Variants in SPRY3 observed in about 807,000 individuals in gnomAD.
The protein encoded by SPRY3 is protein sprouty homolog 3.
Under a neutral mutation model 20.2 loss-of-function variants are expected in SPRY3, and 15 were observed. The ratio of observed to expected loss-of-function variants is 0.74; its 90% CI spans 0.50 to 1.14. The LOEUF (loss-of-function observed/expected upper bound fraction) is 1.14, where lower values mean the gene tolerates loss of function less well. SPRY3 is among the 50% of genes most tolerant of loss of function. SPRY3 has a pLI of 0.00. For synonymous variants in SPRY3, 143 were observed against 136.5 expected, an observed-to-expected ratio of 1.05 and a Z score of -0.33; for missense variants, 364 against 363.9, an observed-to-expected ratio of 1.00 and a Z score of 0.00.
chrX:155,628,048 G>A (rs1042217999), intron 1 of SPRY3, among the ~76,000 whole-genome samples: 3 of 111,220 alleles, frequency 2.7e-5, no homozygotes, highest in Non-Finnish European at 3.8e-5. Context: ...TTCTTTATAC[G>A]GTCTATCATT....
chrX:155,631,077 T>G (rs1327655385), intron 1 of SPRY3, among the ~76,000 whole-genome samples: 1 of 110,839 alleles, frequency 9.0e-6, no homozygotes, highest in Admixed American at 9.7e-5. Context: ...GTACGTACCT[T>G]TTCAACCCTC....
At chrX:155,715,150 T>C (rs1243593936) in intron 2 of SPRY3, among the ~76,000 whole-genome samples, 3 of 151,258 alleles carry the variant, frequency 2.0e-5, no homozygotes, top group South Asian at 2.1e-4. Context: ...ACAGAAGGAG[T>C]CTTTCACTAT....
At chrX:155,714,457 G>A (rs2091007571) in intron 2 of SPRY3, among the ~76,000 whole-genome samples, 1 of 152,190 alleles carries the variant, frequency 6.6e-6, no homozygotes, top group African/African-American at 2.4e-5. Flanking sequence ...AGATCTGGAA[G>A]AATTATCTGT....
At chrX:155,736,512 A>G (rs1433898358) in intron 2 of SPRY3, among the ~76,000 whole-genome samples, 1 of 151,802 alleles carries the variant, frequency 6.6e-6, no homozygotes, top group African/African-American at 2.4e-5. Context: ...ACTTCGTTCC[A>G]CTTTCTTCTT....
chrX:155,685,812 G>T, intron 2 of SPRY3, among the ~76,000 whole-genome samples: 1 of 110,844 alleles, frequency 9.0e-6, no homozygotes, highest in Non-Finnish European at 1.9e-5. Context: ...TCCGTCGCCA[G>T]GATGGAGTGC....
chrX:155,768,008 AAGG>A (rs1478195830), exon 3 of SPRY3: 2 of 152,094 alleles, frequency 1.3e-5, no homozygotes, highest in Non-Finnish European at 1.5e-5. Context: ...CCTGCCAGTG[AAGG>A]AGTTTTCATT....
intron 2 of SPRY3, among the ~76,000 whole-genome samples, chrX:155,677,169 C>T (rs2068060950): frequency 8.9e-6 from 1 of 111,808 alleles, no homozygotes; most frequent in Non-Finnish European, 1.9e-5. Flanking sequence ...TTATCAGTAA[C>T]ATCAATTTAA....
chrX:155,707,070 A>C (rs2090956788), intron 2 of SPRY3, among the ~76,000 whole-genome samples: 1 of 150,020 alleles, frequency 6.7e-6, no homozygotes, highest in Non-Finnish European at 1.5e-5. Flanking sequence ...CTAGTTTCTG[A>C]AGGTGGAAGT....
At chrX:155,644,052 G>A (rs953945964) in intron 1 of SPRY3, among the ~76,000 whole-genome samples, 2 of 110,876 alleles carry the variant, frequency 1.8e-5, no homozygotes, top group South Asian at 3.8e-4. Flanking sequence ...ATTTCTTGTC[G>A]GGCAAGTCTG....
intron 1 of SPRY3, among the ~76,000 whole-genome samples, chrX:155,644,831 G>A (rs181782571): frequency 3.3e-4 from 37 of 111,143 alleles, no homozygotes; most frequent in African/African-American, 1.1e-3. Flanking sequence ...GTGCTGTATC[G>A]TTCTGTGGCT....
chrX:155,739,951 A>G (rs1256577595), intron 2 of SPRY3, among the ~76,000 whole-genome samples: 1 of 152,108 alleles, frequency 6.6e-6, no homozygotes, highest in Non-Finnish European at 1.5e-5. Context: ...AGGGCACAGA[A>G]CTGGGCTGAG....
intron 2 of SPRY3, among the ~76,000 whole-genome samples, chrX:155,734,120 G>T (rs1488162755): frequency 1.3e-5 from 2 of 152,016 alleles, no homozygotes; most frequent in Non-Finnish European, 2.9e-5. Context: ...TCACAACTTG[G>T]CCGGTTGGCA....
intron 2 of SPRY3, among the ~76,000 whole-genome samples, chrX:155,751,340 G>A (rs1300655938): frequency 6.6e-6 from 1 of 151,848 alleles, no homozygotes; most frequent in African/African-American, 2.4e-5. Context: ...TGGCTTTACT[G>A]CAGCAGCTAC....
At chrX:155,770,042 G>C (rs770040325) in intron 3 of SPRY3, among the ~76,000 whole-genome samples, 1 of 152,268 alleles carries the variant, frequency 6.6e-6, no homozygotes, top group South Asian at 2.1e-4. Context: ...GTTATTCTGA[G>C]TAGGAGTGTA....
intron 1 of SPRY3, among the ~76,000 whole-genome samples, chrX:155,631,636 C>T (rs1402016225): frequency 8.9e-6 from 1 of 112,410 alleles, no homozygotes. Flanking sequence ...TAATAATAGC[C>T]ATTCTGACTG....
chrX:155,716,129 G>C (rs2091020598), intron 2 of SPRY3, among the ~76,000 whole-genome samples: 1 of 152,030 alleles, frequency 6.6e-6, no homozygotes, highest in African/African-American at 2.4e-5. Context: ...AACAGTGTAG[G>C]CTTCTATTCC....
intron 1 of SPRY3, among the ~76,000 whole-genome samples, chrX:155,616,134 T>TCTCTCTCTCTCTCTCTCCCTC (rs1557348870): frequency 1.7e-5 from 1 of 58,433 alleles, no homozygotes; most frequent in Non-Finnish European, 4.2e-5. Flanking sequence ...CTCTCTCCTC[T>TCTCTCTCTCTCTCTCTCCCTC]CTCTCTCTCT....
chrX:155,734,637 GA>G (rs932333824), intron 2 of SPRY3, among the ~76,000 whole-genome samples: 1 of 147,818 alleles, frequency 6.8e-6, no homozygotes, highest in Non-Finnish European at 1.5e-5. Flanking sequence ...TCTTCAATTT[GA>G]AAAAAAAACA....
chrX:155,761,074 G>T (rs1386332907), intron 2 of SPRY3, among the ~76,000 whole-genome samples: 1 of 151,920 alleles, frequency 6.6e-6, no homozygotes, highest in African/African-American at 2.4e-5. Context: ...TTATAACTCT[G>T]CCATGATTTT....
Sources: gnomAD v4.1 joint callset for allele counts (sites outside exome capture counted in the v4.1 genomes callset) on GRCh38, gnomAD v4.1.1 for gene constraint, MANE v1.5 for transcripts, NCBI Gene and HGNC (gene_info 2026-07-23, HGNC 2026-07-21) for gene names.